Variants in LMTK2 observed in about 807,000 individuals in gnomAD.
LMTK2 encodes the protein serine/threonine-protein kinase LMTK2.
A neutral mutation model predicts 127.5 loss-of-function variants in LMTK2; 37 were observed. The ratio of observed to expected loss-of-function variants is 0.29; its 90% CI spans 0.22 to 0.38. LMTK2 has a LOEUF of 0.38. LMTK2 is among the 10% of genes least tolerant of loss of function. The pLI is 1.00. For missense variants in LMTK2, 1,694 were observed against 1,920.3 expected (o/e 0.88, Z 2.20); for synonymous variants, 819 against 810.1 (o/e 1.01, Z -0.19).
chr7:98,201,357 A>G (rs1797701164), intron 11 of LMTK2, among the ~76,000 whole-genome samples: 1 of 152,300 alleles, frequency 6.6e-6, no homozygotes, highest in East Asian at 1.9e-4. Flanking sequence ...TATTTGCATT[A>G]TACTCACCAG....
rs997710562 is a variant in LMTK2 at position 98,206,301 on chromosome 7, G to A, written c.*809G>A. ...GAATGCATTTTTGTCTCTTCTTGAT[G>A]AAGCGGCTTTGCCGCAGCAAATGAG... On this transcript the variant is annotated 3_prime_UTR_variant, in exon 14 of 14. Coordinates refer to ENST00000297293, the MANE Select transcript of LMTK2 (RefSeq NM_014916.4). 3.3e-5 allele frequency: 5 copies of A among 152,254 alleles called. No homozygotes were observed. The highest frequency in any genetic ancestry group is 1.2e-4 in the African/African-American group (5 of 41,462). The allele number at this position is 152,254 out of a possible 1,614,324, so 9.4% of individuals were successfully genotyped here.
At chr7:98,184,748 AAAAG>A (rs1165208584) in intron 7 of LMTK2, among the ~76,000 whole-genome samples, 2 of 152,218 alleles carry the variant, frequency 1.3e-5, no homozygotes, top group Non-Finnish European at 2.9e-5. Context: ...AAAAGAAAAG[AAAAG>A]AAAATACAAG....
chr7:98,108,857 T>C (rs1239157720), intron 1 of LMTK2, among the ~76,000 whole-genome samples: 1 of 17,236 alleles, frequency 5.8e-5, no homozygotes, highest in Non-Finnish European at 2.5e-4. Context: ...GCCTGCACAC[T>C]TTTTTTTTTT....
At position 98,204,107 on chromosome 7, in the gene LMTK2, C is replaced by T. The variant is rs749159134; in HGVS notation, c.4404C>T (p.Tyr1468=). 11 of 1,612,832 alleles carry T rather than the reference C, an allele frequency of 6.8e-6. No individual in the cohort carries two copies. The African/African-American group carries it at 1.3e-4, about 20-fold the overall frequency. The change falls in exon 13 of 14, where the codon TAC becomes TAT. Residue 1468 remains tyrosine (Y), a synonymous_variant. Transcript: ENST00000297293. ...TEQSWPHSAP[Y]SRFSISPANI... ...AGAGCTGGCCGCACTCGGCGCCTTA[C>T]TCCCGGTTCTCCATCTCTCCCGCCA...
chr7:98,137,314 G>C lies in LMTK2; in HGVS notation c.104-1G>C. ...TTAATATTATTTATCTCTCTTTCCA[G>C]GGGAGGCGCCACCTGCTGCAGAAGT... On this transcript the variant is annotated splice_acceptor_variant, in intron 1 of 13. Coordinates refer to ENST00000297293, the MANE Select transcript of LMTK2 (RefSeq NM_014916.4). LOFTEE classifies it high-confidence loss of function. The C allele has an allele frequency of 6.2e-7, 1 of 1,606,684 alleles. No homozygotes were observed. The highest frequency in any genetic ancestry group is 8.5e-7 in the Non-Finnish European group (1 of 1,177,966).
At chr7:98,188,255 C>G (rs1262484919) in intron 9 of LMTK2, among the ~76,000 whole-genome samples, 1 of 151,816 alleles carries the variant, frequency 6.6e-6, no homozygotes, top group Admixed American at 6.5e-5. Flanking sequence ...CTTCCTTTTT[C>G]TTTCCCCCTT....
At chr7:98,151,945 CA>C (rs1377119242) in intron 4 of LMTK2, among the ~76,000 whole-genome samples, 1 of 151,882 alleles carries the variant, frequency 6.6e-6, no homozygotes, top group African/African-American at 2.4e-5. Flanking sequence ...TTGGGCAGGA[CA>C]AAGGACACAG....
At chr7:98,144,441 A>G (rs1488005028) in intron 3 of LMTK2, among the ~76,000 whole-genome samples, 2 of 151,746 alleles carry the variant, frequency 1.3e-5, no homozygotes, top group African/African-American at 4.8e-5. Context: ...TCAAAAAAAA[A>G]AAAAGAAAGA....
In LMTK2 at chr7:98,208,190, A is replaced by G. The variant is rs1246297261; in HGVS notation, c.*2698A>G. 1 of 152,090 alleles carries G rather than the reference A, an allele frequency of 6.6e-6. No individual in the cohort carries two copies. The highest frequency in any genetic ancestry group is 1.5e-5 in the Non-Finnish European group (1 of 68,018). The allele number at this position is 152,090 out of a possible 1,614,324, so 9.4% of individuals were successfully genotyped here. ...ACTCATAATTAATTGCCAAAAAAGC[A>G]TTTTATACATTGAGTTGGGGGGTAG... On this transcript the variant is annotated 3_prime_UTR_variant, in exon 14 of 14. Transcript: ENST00000297293.
intron 3 of LMTK2, among the ~76,000 whole-genome samples, chr7:98,145,633 T>G (rs1796761980): frequency 6.6e-6 from 1 of 152,156 alleles, no homozygotes; most frequent in South Asian, 2.1e-4. Context: ...CATATGTGTA[T>G]AGGTCTATTT....
chr7:98,165,575 C>T (rs1382717921), intron 6 of LMTK2, among the ~76,000 whole-genome samples: 6 of 152,170 alleles, frequency 3.9e-5, no homozygotes, highest in Non-Finnish European at 7.4e-5. Context: ...CCTCAGCCTC[C>T]GAAAGTGCTG....
chr7:98,187,466 C>CT lies in LMTK2; in HGVS notation c.998+478dup, dbSNP rs979400558. Among the ~76,000 whole-genome samples the CT allele has an allele frequency of 4.0e-3, 594 of 147,994 alleles. 6 individuals carry two copies. Among genetic ancestry groups the CT allele is most frequent in the African/African-American group, 0.012 (489 of 40,402 alleles). Reference sequence around the variant, plus strand: ...CTATGTTTTATGTGCTGTTGTCCTGCTTTTTTTTTTCTCTCCTTGCTTTCT... The same window carrying CT: ...CTATGTTTTATGTGCTGTTGTCCTGCTTTTTTTTTTTCTCTCCTTGCTTTCT... On this transcript the variant is annotated intron_variant, in intron 9 of 13. Coordinates refer to ENST00000297293, the MANE Select transcript of LMTK2 (RefSeq NM_014916.4).
intron 1 of LMTK2, among the ~76,000 whole-genome samples, chr7:98,127,108 A>G (rs188531049): frequency 1.3e-5 from 2 of 152,316 alleles, no homozygotes; most frequent in Admixed American, 6.5e-5. Flanking sequence ...CAAAGAAAAC[A>G]CTTTGTGACT....
rs1335975332 is a variant in LMTK2, at chr7:98,107,185, G to A, written c.8G>A (p.Gly3Glu). Residue 3 changes from glycine to glutamate, a missense_variant, in exon 1 of 14, where the codon GGG (glycine) becomes GAG (glutamate). By Grantham distance (98) the Gly-to-Glu change is moderately conservative. Transcript: ENST00000297293. MP[G>E]PPALRRRLLL... Reference sequence around the variant, plus strand: ...AGCCGCGCCGTGGGCGAGATGCCGGGGCCGCCGGCGTTGCGGCGGAGGCTG... The same window carrying A: ...AGCCGCGCCGTGGGCGAGATGCCGGAGCCGCCGGCGTTGCGGCGGAGGCTG... 1.4e-6 allele frequency: 2 copies of A among 1,450,454 alleles called. No individual in the cohort carries two copies. The highest frequency in any genetic ancestry group is 2.7e-5 in the Admixed American group (1 of 37,382). The allele number at this position is 1,450,454 out of a possible 1,614,324, so 89.8% of individuals were successfully genotyped here. A position where few individuals can be genotyped will look rare whatever the true frequency, so the allele number is the denominator to read the frequency against.
chr7:98,129,069 C>T (rs922098602), intron 1 of LMTK2, among the ~76,000 whole-genome samples: 4 of 151,910 alleles, frequency 2.6e-5, no homozygotes, highest in African/African-American at 9.7e-5. Context: ...ACCCTGAAAA[C>T]GTAAGTTTAT....
In LMTK2 at chr7:98,199,889, A is replaced by G. The variant is rs536242379; in HGVS notation, c.4108-3685A>G. Among the ~76,000 whole-genome samples the G allele has an allele frequency of 2.0e-5, 3 of 152,258 alleles. No homozygotes were observed. The South Asian group carries it at 6.2e-4, about 32-fold the overall frequency. On this transcript the variant is annotated intron_variant, in intron 11 of 13. Transcript: ENST00000297293. ...TATATTTGACATGAGTTTCTTGCAG[A>G]TCTTATAGTTAGATGGGGTTTTTAA...
Position 98,122,677 on chromosome 7 carries a change from GGTGTGTGTGT to G in LMTK2, c.104-14597_104-14588del, listed in dbSNP as rs1192444903. ...AACAGTTCAGTGAATAACTCTACAT[GGTGTGTGTGT>G]GTGTGTGTGTGTGTGTGTGTGTGTG... On this transcript the variant is annotated intron_variant, in intron 1 of 13. Transcript: ENST00000297293. Among the ~76,000 whole-genome samples, 10 of 108,316 alleles carry G rather than the reference GGTGTGTGTGT, an allele frequency of 9.2e-5. 1 individual carries two copies. In the East Asian group the frequency reaches 1.6e-3, roughly 18 times the overall value. The allele number at this position is 108,316 out of a possible 152,430, so 71.1% of individuals were successfully genotyped here.
chr7:98,126,134 T>G (rs781360852), intron 1 of LMTK2, among the ~76,000 whole-genome samples: 2 of 152,166 alleles, frequency 1.3e-5, no homozygotes, highest in Non-Finnish European at 2.9e-5. Flanking sequence ...TCTAGGTTAT[T>G]TAGGGTCTGT....
At position 98,205,702 on chromosome 7, in the gene LMTK2, G is replaced by T. The variant is rs750716749; in HGVS notation, c.*210G>T. On this transcript the variant is annotated 3_prime_UTR_variant, in exon 14 of 14. Coordinates refer to ENST00000297293, the MANE Select transcript of LMTK2 (RefSeq NM_014916.4). ...CAGAGCGAGGCCGTGTCCAGGAGCC[G>T]GCGTCCCTCAGTGCCCCGTGCACCC... The T allele has an allele frequency of 5.7e-5, 35 of 611,904 alleles. No homozygotes were observed. The highest frequency in any genetic ancestry group is 8.9e-5 in the Non-Finnish European group (31 of 347,442). The allele number at this position is 611,904 out of a possible 1,614,324, so 37.9% of individuals were successfully genotyped here.
Sources: gnomAD v4.1 joint callset for allele counts (sites outside exome capture counted in the v4.1 genomes callset) on GRCh38, gnomAD v4.1.1 for gene constraint, MANE v1.5 for transcripts, NCBI Gene and HGNC (gene_info 2026-07-23, HGNC 2026-07-21) for gene names.